AP5Z1: variants seen among roughly 807,000 people sequenced by gnomAD.
The protein encoded by AP5Z1 is AP-5 complex subunit zeta-1.
A neutral mutation model predicts 83.0 loss-of-function variants in AP5Z1; 106 were observed. The observed-to-expected ratio is 1.28, with a 90% CI of 1.09 to 1.50. AP5Z1 has a LOEUF of 1.50. Among genes scored for constraint, AP5Z1 ranks in the 40% most tolerant of loss-of-function variants. AP5Z1 has a pLI of 0.00. For missense variants in AP5Z1, 1,565 were observed against 1,094.2 expected, an observed-to-expected ratio of 1.43 and a Z score of -6.07; for synonymous variants, 751 against 514.1, an observed-to-expected ratio of 1.46 and a Z score of -6.23.
chr7:4,784,966 C>A lies in AP5Z1; in HGVS notation c.849C>A (p.Ala283=). Reference sequence around the variant, plus strand: ...CGGTGATCTCCGCCACCTCCTCTGCCGGCCGCCTGCTGCCGCCCCGGGAGC... The same window carrying A: ...CGGTGATCTCCGCCACCTCCTCTGCAGGCCGCCTGCTGCCGCCCCGGGAGC... The part of the protein sequence containing the change: ...TLSVISATSS[A]GRLLPPRERL... Residue 283 remains alanine, a synonymous_variant, in exon 7 of 17, where the codon GCC becomes GCA. Transcript: ENST00000649063. 7 of 1,612,050 alleles carry A rather than the reference C, an allele frequency of 4.3e-6. No homozygotes were observed. Among genetic ancestry groups the A allele is most frequent in the African/African-American group, 4.0e-5 (3 of 75,054 alleles).
chr7:4,783,829 G>C (rs1401284503), intron 5 of AP5Z1, 31 bp downstream of exon 5: 1 of 1,532,306 alleles, frequency 6.5e-7, no homozygotes, highest in African/African-American at 1.4e-5. Context: ...GAACCATGGG[G>C]AACAGAGTCA....
At position 4,790,730 on chromosome 7, in the gene AP5Z1, C is replaced by G; in HGVS notation, c.1996C>G (p.Gln666Glu). The G allele has an allele frequency of 1.2e-6, 2 of 1,610,828 alleles. No homozygotes were observed. Among genetic ancestry groups the G allele is most frequent in the East Asian group, 2.2e-5 (1 of 44,830 alleles). The change falls in exon 16 of 17, where the codon CAG becomes GAG. Residue 666 changes from glutamine to glutamate, a missense_variant. By Grantham distance (29) the Gln-to-Glu change is conservative (BLOSUM62 2). Transcript: ENST00000649063. ...CTACGATCGGAGGTGCACCGTGGAGCAGATCAACAAGTTCTTCGAAGCCCT... is the reference window on the plus strand; with the variant it reads ...CTACGATCGGAGGTGCACCGTGGAGGAGATCAACAAGTTCTTCGAAGCCCT... The part of the protein sequence containing the change: ...VTYDRRCTVE[Q>E]INKFFEALEA...
intron 12 of AP5Z1, 182 bp downstream of exon 12, chr7:4,788,476 G>T (rs752188931): frequency 1.3e-6 from 1 of 781,180 alleles, no homozygotes; most frequent in South Asian, 2.5e-5. Flanking sequence ...TGCCGGGGGC[G>T]GGGCCTGGTC....
intron 1 of AP5Z1, among the ~76,000 whole-genome samples, chr7:4,779,380 TATA>T: frequency 1.4e-5 from 2 of 147,760 alleles, no homozygotes; most frequent in South Asian, 4.2e-4. Context: ...TTATATGTCA[TATA>T]ACATGATTAT....
At chr7:4,777,730 C>G (rs1300138125) in intron 1 of AP5Z1, among the ~76,000 whole-genome samples, 2 of 152,154 alleles carry the variant, frequency 1.3e-5, no homozygotes, top group African/African-American at 4.8e-5. Context: ...GCCTCCCTGG[C>G]TCGGGTGGGC....
intron 12 of AP5Z1, 83 bp downstream of exon 12, chr7:4,788,377 C>G (rs1781627384): frequency 1.4e-6 from 2 of 1,431,508 alleles, no homozygotes; most frequent in Non-Finnish European, 1.9e-6. Context: ...CTGCTCAGCC[C>G]TAGGCTGAGG....
rs775869806 is a variant in AP5Z1, at chr7:4,783,467, G to A, written c.511+7G>A. 3.7e-6 allele frequency: 6 copies of A among 1,610,446 alleles called. No homozygotes were observed. Among genetic ancestry groups the A allele is most frequent in the South Asian group, 1.1e-5 (1 of 90,988 alleles). The stretch of plus-strand genomic sequence containing the variant: ...CCGGGCACCCTCCAGGAGGGTACGC[G>A]GGGCCCCTCCCAAGAGGCTGTTGGG... On this transcript the variant is annotated splice_region_variant and intron_variant, in intron 4 of 16. Transcript: ENST00000649063.
At position 4,789,206 on chromosome 7, in the gene AP5Z1, C is replaced by T. The variant is rs554447000; in HGVS notation, c.1707+255C>T. Among the ~76,000 whole-genome samples, 60 of 146,010 alleles carry T rather than the reference C, an allele frequency of 4.1e-4. 2 individuals carry two copies. The South Asian group carries it at 0.012, about 29-fold the overall frequency. On this transcript the variant is annotated intron_variant, in intron 13 of 16. Coordinates refer to ENST00000649063, the MANE Select transcript of AP5Z1 (RefSeq NM_014855.3). Reference sequence around the variant, plus strand: ...TCCCCTTCATCCCGGCAGGCCACGTCCCCCAATCCCCGTCCCATCCCCTTC... The same window carrying T: ...TCCCCTTCATCCCGGCAGGCCACGTTCCCCAATCCCCGTCCCATCCCCTTC...
Position 4,794,252 on chromosome 7 carries a change from G to A in AP5Z1, c.*2867G>A, listed in dbSNP as rs561258786. 1.1e-4 allele frequency: 16 copies of A among 152,304 alleles called. No individual in the cohort carries two copies. The highest frequency in any genetic ancestry group is 3.4e-4 in the African/African-American group (14 of 41,538). The allele number at this position is 152,304 out of a possible 1,614,324, so 9.4% of individuals were successfully genotyped here. Reference sequence around the variant, plus strand: ...GCACCCTGTCAAAACAGACCACTCGGCTCTACCAGTCAGCAGGATGTGGGT... The same window carrying A: ...GCACCCTGTCAAAACAGACCACTCGACTCTACCAGTCAGCAGGATGTGGGT... On this transcript the variant is annotated 3_prime_UTR_variant, in exon 17 of 17. Coordinates refer to ENST00000649063, the MANE Select transcript of AP5Z1 (RefSeq NM_014855.3).
intron 5 of AP5Z1, 38 bp from the exon 6 acceptor site, chr7:4,784,165 C>T (rs764892996): frequency 7.1e-5 from 110 of 1,543,582 alleles, no homozygotes; most frequent in Non-Finnish European, 8.7e-5. Context: ...TTCCCGGCCT[C>T]GGCCCCCTCC....
chr7:4,791,476 C>T lies in AP5Z1; in HGVS notation c.*91C>T, dbSNP rs1583243811. On this transcript the variant is annotated 3_prime_UTR_variant, in exon 17 of 17. Coordinates refer to ENST00000649063, the MANE Select transcript of AP5Z1 (RefSeq NM_014855.3). ...AGGCTGATAGGAGCTCAGGAGGGCG[C>T]GGGAGTCCTGGGAGAGGAGGCAAGG... is the stretch of plus-strand genomic sequence containing the variant. 1.5e-5 allele frequency: 22 copies of T among 1,472,056 alleles called. No homozygotes were observed. The highest frequency in any genetic ancestry group is 2.3e-5 in the Admixed American group (1 of 43,616). 91.2% of individuals were successfully genotyped at this position (1,472,056 alleles called of 1,614,324 possible).
rs186689012 is a variant in AP5Z1 at position 4,794,063 on chromosome 7, T to C, written c.*2678T>C. ...GTTTGTAAACACACCAATCAGCACCTTGTGTCTAGCTCAGGGTTTGTGAAT... is the reference window on the plus strand; with the variant it reads ...GTTTGTAAACACACCAATCAGCACCCTGTGTCTAGCTCAGGGTTTGTGAAT... On this transcript the variant is annotated 3_prime_UTR_variant, in exon 17 of 17. Transcript: ENST00000649063. 938 of 151,962 alleles carry C rather than the reference T, an allele frequency of 6.2e-3. 2 individuals carry two copies. Among genetic ancestry groups the C allele is most frequent in the Non-Finnish European group, 0.01 (688 of 68,376 alleles). The allele number at this position is 151,962 out of a possible 1,614,324, so 9.4% of individuals were successfully genotyped here. A position where few individuals can be genotyped will look rare whatever the true frequency, so the allele number is the denominator to read the frequency against.
chr7:4,787,531 G>C, intron 10 of AP5Z1, 103 bp from the exon 11 acceptor site: 1 of 1,457,766 alleles, frequency 6.9e-7, no homozygotes, highest in Non-Finnish European at 9.1e-7. Flanking sequence ...GCCCTCCTGG[G>C]GACTGCAGGT....
At chr7:4,783,028 G>C (rs1327037759) in intron 3 of AP5Z1, among the ~76,000 whole-genome samples, 2 of 152,238 alleles carry the variant, frequency 1.3e-5, no homozygotes, top group Non-Finnish European at 2.9e-5. Context: ...TCCTGTGTCT[G>C]CGGCCAGGGC....
rs148507453 is a variant in AP5Z1, at chr7:4,790,100, TTCTC to T, written c.1805+175_1805+178del. On this transcript the variant is annotated intron_variant, in intron 14 of 16. Coordinates refer to ENST00000649063, the MANE Select transcript of AP5Z1 (RefSeq NM_014855.3). ...CAGCCCCACACCCAGCCCCAGGCACTTCTCTCTGCTTCTCAAGAACATTCCCGTC... is the reference window on the plus strand; with the variant it reads ...CAGCCCCACACCCAGCCCCAGGCACTTCTGCTTCTCAAGAACATTCCCGTC... 7.8e-3 allele frequency: 10,064 copies of T among 1,289,192 alleles called. 591 individuals are homozygous for T. The African/African-American group carries it at 0.14, about 17-fold the overall frequency. The allele number at this position is 1,289,192 out of a possible 1,614,324, so 79.9% of individuals were successfully genotyped here.
chr7:4,776,374 G>GAC (rs1781225701), intron 1 of AP5Z1, among the ~76,000 whole-genome samples: 1 of 152,044 alleles, frequency 6.6e-6, no homozygotes, highest in African/African-American at 2.4e-5. Flanking sequence ...GGACTGAACA[G>GAC]ACTCACGGTC....
At chr7:4,780,538 G>A (rs1208663075) in intron 1 of AP5Z1, among the ~76,000 whole-genome samples, 3 of 152,148 alleles carry the variant, frequency 2.0e-5, no homozygotes, top group Admixed American at 1.3e-4. Context: ...GCCGAGGTGG[G>A]CAGATCACGA....
Position 4,786,269 on chromosome 7 carries a change from C to T in AP5Z1, c.1152C>T (p.Asp384=). 2 of 1,609,420 alleles carry T rather than the reference C, an allele frequency of 1.2e-6. No homozygotes were observed. Among genetic ancestry groups the T allele is most frequent in the Non-Finnish European group, 1.7e-6 (2 of 1,177,128 alleles). Residue 384 remains aspartate, a synonymous_variant, in exon 10 of 17, where the codon GAC becomes GAT. Coordinates refer to ENST00000649063, the MANE Select transcript of AP5Z1 (RefSeq NM_014855.3). ...FLSHGEAAAV[D]SEAVYQHLFT... ...TTGCAGGGGAAGCGGCTGCAGTGGA[C>T]TCGGAAGCCGTCTACCAGCACCTGT... is the stretch of plus-strand genomic sequence containing the variant.
chr7:4,786,512 C>G, intron 10 of AP5Z1, 84 bp downstream of exon 10: 1 of 1,493,280 alleles, frequency 6.7e-7, no homozygotes, highest in African/African-American at 1.4e-5. Context: ...GGGTTCAGGG[C>G]GAGTCCTGGC....
Sources: allele counts gnomAD v4.1 joint callset (sites outside exome capture counted in the v4.1 genomes callset), GRCh38; gene constraint gnomAD v4.1.1; transcripts MANE v1.5; gene names NCBI Gene and HGNC (gene_info 2026-07-23, HGNC 2026-07-21).